The following BANK1 variants were observed in gnomAD, a reference collection of about 807,000 sequenced individuals.
The protein encoded by BANK1 is B-cell scaffold protein with ankyrin repeats.
Under a neutral mutation model 94.5 loss-of-function variants are expected in BANK1, and 95 were observed. The observed-to-expected ratio is 1.00, with a 90% confidence interval of 0.85 to 1.19. BANK1 has a LOEUF of 1.19. Ranked by LOEUF, BANK1 falls within the 50% of genes most tolerant of loss-of-function variation. The pLI, the probability that BANK1 is intolerant of heterozygous loss-of-function variation, is 0.00. For missense variants in BANK1, 987 were observed against 932.2 expected (o/e 1.06, Z -0.77); for synonymous variants, 334 against 308.4 (o/e 1.08, Z -0.87).
At chr4:102,029,698 T>TA (rs1257649235) in intron 9 of BANK1, among the ~76,000 whole-genome samples, 1 of 151,756 alleles carries the variant, frequency 6.6e-6, no homozygotes, top group East Asian at 1.9e-4. Flanking sequence ...AGCACATGGA[T>TA]TTTTTTACTA....
intron 5 of BANK1, among the ~76,000 whole-genome samples, chr4:101,888,056 C>T (rs529518201): frequency 5.3e-4 from 81 of 152,230 alleles, no homozygotes; most frequent in African/African-American, 1.9e-3. Context: ...TGTTTTGGCT[C>T]TCTTTCATGG....
At chr4:101,939,823 G>A (rs765539256) in intron 7 of BANK1, among the ~76,000 whole-genome samples, 1 of 151,458 alleles carries the variant, frequency 6.6e-6, no homozygotes, top group Non-Finnish European at 1.5e-5. Context: ...AATGTGTCCA[G>A]ATATTCTGAA....
At chr4:101,923,672 A>G (rs774714029) in intron 7 of BANK1, among the ~76,000 whole-genome samples, 6 of 151,828 alleles carry the variant, frequency 4.0e-5, no homozygotes. Context: ...TATAAACAGG[A>G]TTTTAAATAA....
At chr4:101,981,523 G>A (rs1725324157) in intron 7 of BANK1, among the ~76,000 whole-genome samples, 1 of 151,940 alleles carries the variant, frequency 6.6e-6, no homozygotes, top group African/African-American at 2.4e-5. Context: ...ATGTTCTGTA[G>A]CATATGTTTT....
At chr4:102,064,034 A>G (rs997502351) in intron 13 of BANK1, among the ~76,000 whole-genome samples, 4 of 152,134 alleles carry the variant, frequency 2.6e-5, no homozygotes, top group African/African-American at 7.2e-5. Flanking sequence ...TAAACAACAC[A>G]TTCCAAAATT....
intron 7 of BANK1, among the ~76,000 whole-genome samples, chr4:101,954,610 A>G (rs1455494540): frequency 1.3e-5 from 2 of 152,152 alleles, no homozygotes; most frequent in Non-Finnish European, 1.5e-5. Flanking sequence ...GCTGACAAAA[A>G]AAATGTACCA....
intron 1 of BANK1, chr4:101,813,785 G>T: frequency 2.5e-6 from 2 of 810,132 alleles, no homozygotes; most frequent in East Asian, 2.5e-4. Context: ...AGCTTCTGCG[G>T]GTGGTAGGAG....
intron 11 of BANK1, among the ~76,000 whole-genome samples, chr4:102,058,644 T>C (rs1350834015): frequency 6.6e-6 from 1 of 151,826 alleles, no homozygotes; most frequent in African/African-American, 2.4e-5. Context: ...CATTTTTCTT[T>C]GCAGCTTCTC....
chr4:101,867,757 A>AGT (rs1728129628), intron 4 of BANK1, among the ~76,000 whole-genome samples: 2 of 137,126 alleles, frequency 1.5e-5, no homozygotes, highest in African/African-American at 5.7e-5. Flanking sequence ...ATAATTAAAA[A>AGT]AAATAAATAT....
At chr4:102,000,347 C>T (rs75455362) in intron 7 of BANK1, among the ~76,000 whole-genome samples, 25 of 103,896 alleles carry the variant, frequency 2.4e-4, no homozygotes, top group African/African-American at 8.7e-4. Context: ...AAAAAAAAAA[C>T]AGTGAAAGAG....
intron 6 of BANK1, among the ~76,000 whole-genome samples, chr4:101,917,278 A>G (rs1722858141): frequency 6.6e-6 from 1 of 152,064 alleles, no homozygotes; most frequent in South Asian, 2.1e-4. Flanking sequence ...GTATAGAATA[A>G]TAACAAACCA....
rs774795790 is a variant in BANK1 at position 102,025,456 on chromosome 4, C to T, written c.1541C>T (p.Pro514Leu). Residue 514 changes from proline (P) to leucine (L), a missense_variant, in exon 9 of 17, where the codon CCG becomes CTG. Physicochemically the swap from Pro to Leu is moderately conservative, Grantham distance 98. Transcript: ENST00000322953. ...AGCAGCAGACCTCCTCTCCCCCCGC[C>T]GCGACCTGTAGCTAATGCCTTCCAA... ...LMSSRPPLPP[P>L]RPVANAFQLE... The T allele has an allele frequency of 1.7e-5, 28 of 1,613,954 alleles. No homozygotes were observed. The highest frequency in any genetic ancestry group is 3.3e-5 in the South Asian group (3 of 91,076).
At chr4:102,006,603 G>A (rs1002413843) in intron 7 of BANK1, among the ~76,000 whole-genome samples, 10 of 151,908 alleles carry the variant, frequency 6.6e-5, no homozygotes, top group African/African-American at 1.9e-4. Context: ...TTTCTTATTT[G>A]GGGGGTTTTA....
intron 1 of BANK1, among the ~76,000 whole-genome samples, chr4:101,815,140 G>A (rs1168679182): frequency 1.3e-5 from 2 of 152,118 alleles, no homozygotes; most frequent in African/African-American, 4.8e-5. Flanking sequence ...AGTTTATAAT[G>A]TGAAATCCTA....
At chr4:101,891,104 G>C (rs996782453) in intron 5 of BANK1, among the ~76,000 whole-genome samples, 1 of 152,006 alleles carries the variant, frequency 6.6e-6, no homozygotes, top group Non-Finnish European at 1.5e-5. Context: ...TTGTGTTCTT[G>C]CTCTCTGATG....
At chr4:101,846,608 G>T (rs1370372231) in intron 2 of BANK1, among the ~76,000 whole-genome samples, 1 of 152,224 alleles carries the variant, frequency 6.6e-6, no homozygotes, top group Non-Finnish European at 1.5e-5. Flanking sequence ...AAATCATGGT[G>T]GAAGGTGAAG....
chr4:102,033,092 T>G (rs1727386193), intron 10 of BANK1, among the ~76,000 whole-genome samples: 1 of 152,180 alleles, frequency 6.6e-6, no homozygotes. Flanking sequence ...AGTCTGCACT[T>G]ACATATCCAG....
chr4:101,934,183 A>G (rs1420439309), intron 7 of BANK1, among the ~76,000 whole-genome samples: 1 of 151,526 alleles, frequency 6.6e-6, no homozygotes, highest in Non-Finnish European at 1.5e-5. Flanking sequence ...TTTCCAGAGT[A>G]GATAAAAACT....
At chr4:101,944,278 T>C (rs1167571392) in intron 7 of BANK1, among the ~76,000 whole-genome samples, 1 of 151,920 alleles carries the variant, frequency 6.6e-6, no homozygotes, top group African/African-American at 2.4e-5. Flanking sequence ...AAAAAGAGTG[T>C]GTAAAACTAT....
Sources: allele counts gnomAD v4.1 joint callset (sites outside exome capture counted in the v4.1 genomes callset), GRCh38; gene constraint gnomAD v4.1.1; transcripts MANE v1.5; gene names NCBI Gene and HGNC (gene_info 2026-07-23, HGNC 2026-07-21).